Variants in CD46 observed in about 807,000 individuals in gnomAD.
CD46 encodes the protein membrane cofactor protein.
Under a neutral mutation model 53.3 loss-of-function variants are expected in CD46, and 30 were observed. The ratio of observed to expected loss-of-function variants is 0.56; its 90% CI spans 0.42 to 0.76. The LOEUF (loss-of-function observed/expected upper bound fraction) is 0.76, where lower values mean the gene tolerates loss of function less well. Ranked by LOEUF, CD46 falls within the 30% of genes least tolerant of loss-of-function variation. The pLI is 0.00. For synonymous variants in CD46, 142 were observed against 152.0 expected, an observed-to-expected ratio of 0.93 and a Z score of 0.48; for missense variants, 409 against 463.0, an observed-to-expected ratio of 0.88 and a Z score of 1.07.
chr1:207,784,388 C>G (rs1330721611), intron 9 of CD46, among the ~76,000 whole-genome samples: 1 of 152,172 alleles, frequency 6.6e-6, no homozygotes, highest in African/African-American at 2.4e-5. Context: ...TTTCAAAAAT[C>G]ATTTTCCTTT....
rs756273271 is a variant in CD46, at chr1:207,752,298, A to C, written c.86A>C (p.Tyr29Ser). ...CTGGCGGCCATGGTGTTGCTGCTGTACTCCTTCTCCGGTAGGACCCCGGGG... is the reference window on the plus strand; with the variant it reads ...CTGGCGGCCATGGTGTTGCTGCTGTCCTCCTTCTCCGGTAGGACCCCGGGG... ...LLLAAMVLLL[Y>S]SFSDACEEPP... Residue 29 changes from tyrosine (Y) to serine (S), a missense_variant, in exon 1 of 13, where the codon TAC becomes TCC. Tyr to Ser is a moderately radical substitution (Grantham distance 144, BLOSUM62 -2). Coordinates refer to ENST00000367042, the MANE Select transcript of CD46 (RefSeq NM_172351.3). This position sits in a 1 kb window ranked among gnomAD's most constrained non-coding sequence, Gnocchi z 4.1. 7.4e-6 allele frequency: 12 copies of C among 1,613,250 alleles called. No individual in the cohort carries two copies. In the East Asian group the frequency reaches 2.0e-4, roughly 27 times the overall value.
chr1:207,763,526 GTCTC>G, intron 5 of CD46, among the ~76,000 whole-genome samples: 1 of 152,162 alleles, frequency 6.6e-6, no homozygotes, highest in East Asian at 1.9e-4. Flanking sequence ...CACTTTTCGT[GTCTC>G]TCGGAGACGG....
At chr1:207,772,417 G>A (rs536893933) in intron 8 of CD46, among the ~76,000 whole-genome samples, 1 of 152,122 alleles carries the variant, frequency 6.6e-6, no homozygotes, top group African/African-American at 2.4e-5. Context: ...TGATCACCCT[G>A]GCCAGAACTT....
chr1:207,774,203 A>G (rs879685303), intron 8 of CD46, among the ~76,000 whole-genome samples: 2 of 137,670 alleles, frequency 1.5e-5, no homozygotes, highest in Non-Finnish European at 3.4e-5. Context: ...CTAGAATTGC[A>G]ACCCCTTTTT....
At chr1:207,770,462 G>A in intron 8 of CD46, 100 bp downstream of exon 8, 1 of 831,996 alleles carries the variant, frequency 1.2e-6, no homozygotes, top group Non-Finnish European at 2.0e-6. Flanking sequence ...GTGCAGGTTT[G>A]TTACATAGGT....
At chr1:207,767,534 C>T (rs1361607798) in intron 6 of CD46, 8 of 1,203,284 alleles carry the variant, frequency 6.6e-6, no homozygotes, top group Non-Finnish European at 8.7e-6. Flanking sequence ...TCAACAATGG[C>T]ATAATTCATA....
Position 207,752,161 on chromosome 1 carries a change from C to G in CD46, c.-52C>G. 6.4e-7 allele frequency: 1 copy of G among 1,556,124 alleles called. No individual in the cohort carries two copies. The highest frequency in any genetic ancestry group is 2.2e-5 in the East Asian group (1 of 44,610). ...AAGGGACTTCCCTGCTCGGCTGGCT[C>G]TCGGTTTCTCTGCTTTCCTCCGGAG... On this transcript the variant is annotated 5_prime_UTR_variant, in exon 1 of 13. Coordinates refer to ENST00000367042, the MANE Select transcript of CD46 (RefSeq NM_172351.3). The surrounding 1 kb of genome is among the most constrained non-coding windows in gnomAD (Gnocchi z 4.1).
chr1:207,761,203 G>C (rs377549127), intron 4 of CD46, 46 bp from the exon 5 acceptor site: 12 of 1,266,122 alleles, frequency 9.5e-6, no homozygotes, highest in African/African-American at 5.9e-5. Context: ...TACTAATGCT[G>C]TCTTAATCTT....
At position 207,759,901 on chromosome 1, in the gene CD46, T is replaced by G. The variant is rs41317077; in HGVS notation, c.475+177T>G. On this transcript the variant is annotated intron_variant, in intron 4 of 12. Coordinates refer to ENST00000367042, the MANE Select transcript of CD46 (RefSeq NM_172351.3). ...AACGGAGAGGTTTTTAAATAATTAT[T>G]GATTCTTTTTGGTTTTGTTTGTTTT... The G allele has an allele frequency of 5.0e-3, 2,744 of 551,468 alleles. 11 individuals carry two copies. Among genetic ancestry groups the G allele is most frequent in the Non-Finnish European group, 7.0e-3 (2,162 of 307,664 alleles). The allele number at this position is 551,468 out of a possible 1,614,324, so 34.2% of individuals were successfully genotyped here.
intron 3 of CD46, among the ~76,000 whole-genome samples, chr1:207,758,387 A>G (rs900260043): frequency 1.3e-5 from 2 of 152,172 alleles, no homozygotes; most frequent in Admixed American, 6.5e-5. Context: ...GCATCATAAC[A>G]TGCTGGAAAG....
At chr1:207,753,674 AAAAC>A (rs543626251) in intron 1 of CD46, among the ~76,000 whole-genome samples, 70 of 152,178 alleles carry the variant, frequency 4.6e-4, no homozygotes, top group Admixed American at 6.5e-4. Flanking sequence ...CTGTCAAAAC[AAAAC>A]AAACAAACAA....
intron 5 of CD46, among the ~76,000 whole-genome samples, chr1:207,761,745 AAGAAAGT>A (rs1346585193): frequency 6.6e-6 from 1 of 151,974 alleles, no homozygotes; most frequent in Non-Finnish European, 1.5e-5. Context: ...CACTGGCTTA[AAGAAAGT>A]TTCATCTTGT....
chr1:207,773,947 C>T (rs946917984), intron 8 of CD46, among the ~76,000 whole-genome samples: 4 of 152,192 alleles, frequency 2.6e-5, no homozygotes, highest in South Asian at 2.1e-4. Flanking sequence ...TGTTAACTTT[C>T]TGTCTCATTG....
chr1:207,782,793 A>G (rs12081450), intron 8 of CD46, among the ~76,000 whole-genome samples: 5,146 of 148,980 alleles, frequency 0.035, 141 homozygotes, highest in African/African-American at 0.082. Flanking sequence ...GATTACAGGC[A>G]CGCACTACCA....
chr1:207,772,046 A>G (rs190372468), intron 8 of CD46, among the ~76,000 whole-genome samples: 11 of 152,262 alleles, frequency 7.2e-5, no homozygotes, highest in African/African-American at 2.4e-4. Context: ...ATGTTCTTCC[A>G]TTTGTTTGTG....
At chr1:207,770,162 A>G (rs1657329076) in intron 7 of CD46, 159 bp from the exon 8 acceptor site, 1 of 639,542 alleles carries the variant, frequency 1.6e-6, no homozygotes, top group Admixed American at 2.6e-5. Flanking sequence ...TACTTGTGCA[A>G]ATATATATGT....
rs960606843 is a variant in CD46, at chr1:207,785,669, A to T, written c.1069A>T (p.Arg357Trp). 3 of 1,607,230 alleles carry T rather than the reference A, an allele frequency of 1.9e-6. No homozygotes were observed. Among genetic ancestry groups the T allele is most frequent in the Non-Finnish European group, 2.6e-6 (3 of 1,174,080 alleles). Residue 357 changes from arginine to tryptophan, a missense_variant, in exon 11 of 13, where the codon AGG becomes TGG. Coordinates refer to ENST00000367042, the MANE Select transcript of CD46 (RefSeq NM_172351.3). ...CVVPYRYLQR[R>W]KKKGTYLTDE... is the part of the protein sequence containing the mutation. Reference sequence around the variant, plus strand: ...TGTCCCGTACAGATATCTTCAAAGGAGGAAGAAGAAAGGGTAAATTAAAGC... The same window carrying T: ...TGTCCCGTACAGATATCTTCAAAGGTGGAAGAAGAAAGGGTAAATTAAAGC...
In CD46 at chr1:207,767,807, A is replaced by G. The variant is rs1657036157; in HGVS notation, c.885A>G (p.Pro295=). 3 of 1,611,956 alleles carry G rather than the reference A, an allele frequency of 1.9e-6. No homozygotes were observed. In the East Asian group the frequency reaches 6.7e-5, roughly 36 times the overall value. The change falls in exon 7 of 13, where the codon CCA becomes CCG. Residue 295 remains proline (P), a synonymous_variant. Coordinates refer to ENST00000367042, the MANE Select transcript of CD46 (RefSeq NM_172351.3). The part of the protein sequence containing the change: ...KVSTSSTTKS[P]ASSASGPRPT... ...CGACTTCTTCCACTACAAAATCTCC[A>G]GCGTCCAGTGCCTCAGGTTTAGTAA...
In CD46 at chr1:207,790,359, GTTGT is replaced by G. The variant is rs1553255119; in HGVS notation, c.*41+17_*41+20del. ...TATCATTAAAAGGTATCTGTTTTCT[GTTGT>G]TTATTTTCAGATGTCCTTTCTTTTG... On this transcript the variant is annotated intron_variant, in intron 12 of 12. Transcript: ENST00000367042. 9.0e-6 allele frequency: 12 copies of G among 1,334,864 alleles called. No homozygotes were observed. Among genetic ancestry groups the G allele is most frequent in the Non-Finnish European group, 1.3e-5 (12 of 927,980 alleles). The allele number at this position is 1,334,864 out of a possible 1,614,324, so 82.7% of individuals were successfully genotyped here. A position where few individuals can be genotyped will look rare whatever the true frequency, so the allele number is the denominator to read the frequency against.
Sources: allele counts gnomAD v4.1 joint callset (sites outside exome capture counted in the v4.1 genomes callset), GRCh38; gene constraint gnomAD v4.1.1; non-coding constraint Gnocchi (gnomAD v3.1); transcripts MANE v1.5; gene names NCBI Gene and HGNC (gene_info 2026-07-23, HGNC 2026-07-21).